Variants in KLF12 observed in about 807,000 individuals in gnomAD.
The protein encoded by KLF12 is Krueppel-like factor 12.
Under a neutral mutation model 37.8 loss-of-function variants are expected in KLF12, and 9 were observed. The ratio of observed to expected loss-of-function variants is 0.24; its 90% CI spans 0.14 to 0.42. KLF12 has a LOEUF of 0.42. Ranked by LOEUF, KLF12 falls within the 10% of genes least tolerant of loss-of-function variation. The probability of loss-of-function intolerance (pLI) is 1.00; values close to 1 mark genes in which losing one functional copy is unlikely to be tolerated. For missense variants in KLF12, 411 were observed against 516.0 expected, an observed-to-expected ratio of 0.80 and a Z score of 1.97; for synonymous variants, 208 against 202.1, an observed-to-expected ratio of 1.03 and a Z score of -0.25.
chr13:73,948,370 C>T (rs1348143767), intron 2 of KLF12, among the ~76,000 whole-genome samples: 5 of 152,156 alleles, frequency 3.3e-5, no homozygotes, highest in African/African-American at 4.8e-5. Flanking sequence ...TACAGGCATG[C>T]GCCACCACGC....
At chr13:73,818,667 C>G (rs570378587) in intron 4 of KLF12, among the ~76,000 whole-genome samples, 7 of 152,356 alleles carry the variant, frequency 4.6e-5, no homozygotes, top group Admixed American at 4.6e-4. Context: ...AATCTAAGAA[C>G]ATATATGAAA....
rs566672153 is a variant in KLF12 at position 73,871,232 on chromosome 13, C to T, written c.124-24859G>A. Among the ~76,000 whole-genome samples the T allele has an allele frequency of 8.5e-5, 13 of 152,234 alleles. No homozygotes were observed. In the East Asian group the frequency reaches 2.5e-3, roughly 29 times the overall value. On this transcript the variant is annotated intron_variant, in intron 3 of 7. Transcript: ENST00000377669. The stretch of plus-strand genomic sequence containing the variant: ...AGGCAGTTGTGTCAGCTGTAGTACT[C>T]GCAACAGCAGCAGCAGCTTCTCTGT...
chr13:73,989,523 G>C (rs1891910498), intron 2 of KLF12, among the ~76,000 whole-genome samples: 1 of 152,188 alleles, frequency 6.6e-6, no homozygotes, highest in African/African-American at 2.4e-5. Flanking sequence ...TCATGACGTG[G>C]CAGAAGGAAG....
the KLF12 span, among the ~76,000 whole-genome samples, chr13:74,300,764 A>T: frequency 6.6e-6 from 1 of 152,214 alleles, no homozygotes; most frequent in Non-Finnish European, 1.5e-5. Context: ...TTTAATAATC[A>T]TTTGCAATAA....
At chr13:74,304,881 T>G in the KLF12 span, among the ~76,000 whole-genome samples, 1 of 152,132 alleles carries the variant, frequency 6.6e-6, no homozygotes, top group Non-Finnish European at 1.5e-5. Flanking sequence ...AATATTTTTC[T>G]TATTAGAAAC....
chr13:74,152,007 A>G, the KLF12 span, among the ~76,000 whole-genome samples: 1 of 152,192 alleles, frequency 6.6e-6, no homozygotes, highest in Non-Finnish European at 1.5e-5. Context: ...AAGGGCAACT[A>G]ACACTGTGAG....
At chr13:73,944,759 A>G (rs1040847832) in intron 2 of KLF12, among the ~76,000 whole-genome samples, 4 of 93,736 alleles carry the variant, frequency 4.3e-5, no homozygotes, top group Non-Finnish European at 9.0e-5. Context: ...GTAGCTCAAT[A>G]ACATTTCAAA....
the KLF12 span, among the ~76,000 whole-genome samples, chr13:74,203,252 T>C: frequency 1.3e-5 from 2 of 152,046 alleles, no homozygotes. Flanking sequence ...GAGATTAGAC[T>C]TGGGTGTCAT....
At chr13:74,049,039 G>T (rs1470255027) in intron 1 of KLF12, among the ~76,000 whole-genome samples, 5 of 152,208 alleles carry the variant, frequency 3.3e-5, no homozygotes, top group Non-Finnish European at 7.3e-5. Context: ...TAGCTAAAAT[G>T]AGGAAGACTG....
chr13:73,797,769 C>CAAAA (rs34644776), intron 5 of KLF12, among the ~76,000 whole-genome samples: 2 of 71,668 alleles, frequency 2.8e-5, no homozygotes, highest in African/African-American at 5.5e-5. Context: ...GATCCTGTCT[C>CAAAA]AAAAAAAAAA....
chr13:73,892,952 T>G (rs1887582881), intron 3 of KLF12, among the ~76,000 whole-genome samples: 1 of 151,450 alleles, frequency 6.6e-6, no homozygotes, highest in Non-Finnish European at 1.5e-5. Context: ...AGAAATAACA[T>G]AAATCAGCAC....
At chr13:73,826,822 C>T (rs1394008378) in intron 4 of KLF12, among the ~76,000 whole-genome samples, 3 of 152,082 alleles carry the variant, frequency 2.0e-5, no homozygotes, top group Non-Finnish European at 4.4e-5. Context: ...CACTCTGTCA[C>T]CCAAGCTGCA....
chr13:73,702,589 A>G (rs1035878884), intron 7 of KLF12, among the ~76,000 whole-genome samples: 3 of 152,314 alleles, frequency 2.0e-5, no homozygotes, highest in Admixed American at 1.3e-4. Flanking sequence ...GCAACTGAAA[A>G]GGAACACCTT....
intron 1 of KLF12, among the ~76,000 whole-genome samples, chr13:74,109,863 C>T (rs935426682): frequency 7.2e-5 from 11 of 151,880 alleles, no homozygotes; most frequent in Non-Finnish European, 1.6e-4. Context: ...TAAAAAGCAA[C>T]ATAGAAGCTT....
At chr13:73,993,084 T>G (rs1412337415) in intron 2 of KLF12, among the ~76,000 whole-genome samples, 1 of 151,992 alleles carries the variant, frequency 6.6e-6, no homozygotes, top group Non-Finnish European at 1.5e-5. Flanking sequence ...ATACAAAAAA[T>G]TAGCTAGGCA....
chr13:74,178,681 G>A, the KLF12 span, among the ~76,000 whole-genome samples: 1 of 152,204 alleles, frequency 6.6e-6, no homozygotes, highest in African/African-American at 2.4e-5. Flanking sequence ...TTTATGAATA[G>A]GGACTAGTTC....
intron 6 of KLF12, among the ~76,000 whole-genome samples, chr13:73,758,702 C>A (rs1372202179): frequency 6.6e-6 from 1 of 152,124 alleles, no homozygotes; most frequent in Non-Finnish European, 1.5e-5. Context: ...GATCTTACAG[C>A]CTTAATTCTC....
chr13:73,699,424 A>T (rs1160595021), intron 7 of KLF12, among the ~76,000 whole-genome samples: 1 of 151,996 alleles, frequency 6.6e-6, no homozygotes, highest in Non-Finnish European at 1.5e-5. Context: ...AATGAAAATT[A>T]AAAAAAATTG....
At chr13:73,858,529 A>G (rs150025197) in intron 3 of KLF12, among the ~76,000 whole-genome samples, 1,602 of 152,332 alleles carry the variant, frequency 0.011, 13 homozygotes, top group African/African-American at 0.02. Context: ...AGAAACTACC[A>G]TCAACAATTA....
Sources: allele counts gnomAD v4.1 joint callset (sites outside exome capture counted in the v4.1 genomes callset), GRCh38; gene constraint gnomAD v4.1.1; transcripts MANE v1.5; gene names NCBI Gene and HGNC (gene_info 2026-07-23, HGNC 2026-07-21).